FIP1L1: variants seen among roughly 807,000 people sequenced by gnomAD.
FIP1L1 encodes factor interacting with PAPOLA and CPSF1.
In FIP1L1, 21 loss-of-function variants were observed where a neutral mutation model predicts 84.6. The observed-to-expected ratio is 0.25, with a 90% confidence interval of 0.18 to 0.36. The LOEUF is 0.36. Ranked by LOEUF, FIP1L1 falls within the 10% of genes least tolerant of loss-of-function variation. FIP1L1 has a pLI of 1.00. For synonymous variants in FIP1L1, 263 were observed against 242.3 expected, an observed-to-expected ratio of 1.09 and a Z score of -0.80; for missense variants, 526 against 751.1, an observed-to-expected ratio of 0.70 and a Z score of 3.50.
At chr4:53,394,788 G>T in intron 9 of FIP1L1, among the ~76,000 whole-genome samples, 1 of 151,398 alleles carries the variant, frequency 6.6e-6, no homozygotes, top group Admixed American at 6.6e-5. Context: ...GTTTTCATAA[G>T]TTCTTAAATT....
chr4:53,409,965 T>A (rs776888961), intron 10 of FIP1L1, among the ~76,000 whole-genome samples: 1 of 152,264 alleles, frequency 6.6e-6, no homozygotes, highest in Non-Finnish European at 1.5e-5. Flanking sequence ...TGCCTTGCCC[T>A]GCTTTGGCTC....
intron 10 of FIP1L1, among the ~76,000 whole-genome samples, chr4:53,404,047 A>C (rs1422218850): frequency 6.6e-6 from 1 of 151,328 alleles, no homozygotes; most frequent in African/African-American, 2.4e-5. Flanking sequence ...TTTAGGGTAC[A>C]TGTGCACAAT....
At chr4:53,407,268 C>T (rs1275357530) in intron 10 of FIP1L1, among the ~76,000 whole-genome samples, 1 of 152,122 alleles carries the variant, frequency 6.6e-6, no homozygotes, top group Non-Finnish European at 1.5e-5. Flanking sequence ...TCATTATTTA[C>T]CCAGTAGTCA....
At chr4:53,431,417 CTT>C (rs1241160395) in intron 13 of FIP1L1, among the ~76,000 whole-genome samples, 1 of 152,064 alleles carries the variant, frequency 6.6e-6, no homozygotes, top group Non-Finnish European at 1.5e-5. Flanking sequence ...GATAAACTGT[CTT>C]GTTTTTTGCT....
chr4:53,455,153 G>T (rs1465356227), intron 16 of FIP1L1, among the ~76,000 whole-genome samples: 4 of 152,162 alleles, frequency 2.6e-5, no homozygotes, highest in African/African-American at 9.6e-5. Flanking sequence ...GGAATGTTGT[G>T]TGGCTGGTTT....
chr4:53,390,024 C>T lies in FIP1L1; in HGVS notation c.397+151C>T, dbSNP rs116199665. ...CGCAATCTTAGTTCACTGCAACCTCCGTCTCCTGGGCTCAAACCATCCTCC... is the reference window on the plus strand; with the variant it reads ...CGCAATCTTAGTTCACTGCAACCTCTGTCTCCTGGGCTCAAACCATCCTCC... On this transcript the variant is annotated intron_variant, in intron 6 of 17. Transcript: ENST00000337488. The T allele has an allele frequency of 2.4e-3, 1,407 of 578,004 alleles. 18 individuals carry two copies. In the African/African-American group the frequency reaches 0.025, roughly 10 times the overall value. The allele number at this position is 578,004 out of a possible 1,614,324, so 35.8% of individuals were successfully genotyped here.
At chr4:53,420,273 TA>T (rs1216514768) in intron 11 of FIP1L1, among the ~76,000 whole-genome samples, 4 of 106,716 alleles carry the variant, frequency 3.7e-5, no homozygotes, top group Admixed American at 9.6e-5. Flanking sequence ...AAAAAAAAAT[TA>T]AAAAAAAAAT....
At chr4:53,458,463 T>C (rs1307800267) in intron 16 of FIP1L1, 190 bp from the exon 17 acceptor site, 2 of 458,190 alleles carry the variant, frequency 4.4e-6, no homozygotes, top group Non-Finnish European at 7.7e-6. Flanking sequence ...TATTCTTAGC[T>C]CTAGTGCTAT....
At chr4:53,406,183 A>G (rs1039631760) in intron 10 of FIP1L1, among the ~76,000 whole-genome samples, 2 of 151,908 alleles carry the variant, frequency 1.3e-5, no homozygotes, top group African/African-American at 4.8e-5. Flanking sequence ...GATACGTCCT[A>G]TTTACATACC....
At chr4:53,427,904 A>C in intron 12 of FIP1L1, 123 bp from the exon 13 acceptor site, 1 of 815,980 alleles carries the variant, frequency 1.2e-6, no homozygotes, top group East Asian at 2.7e-5. Flanking sequence ...TCCCCCCAAA[A>C]ATACATATAT....
At position 53,399,872 on chromosome 4, in the gene FIP1L1, C is replaced by T. The variant is rs374455355; in HGVS notation, c.815+33C>T. 6.1e-5 allele frequency: 82 copies of T among 1,337,076 alleles called. 1 individual carries two copies. The South Asian group carries it at 7.3e-4, about 12-fold the overall frequency. 82.8% of individuals were successfully genotyped at this position (1,337,076 alleles called of 1,614,324 possible). A position where few individuals can be genotyped will look rare whatever the true frequency, so the allele number is the denominator to read the frequency against. ...ACATAGTTATAACTCAATTACTGTA[C>T]GACATTGGTATCTTTACATTGTATT... On this transcript the variant is annotated intron_variant, in intron 10 of 17. Transcript: ENST00000337488.
At chr4:53,386,278 CATT>C (rs1198435680) in intron 5 of FIP1L1, among the ~76,000 whole-genome samples, 1 of 151,998 alleles carries the variant, frequency 6.6e-6, no homozygotes. Flanking sequence ...GTGATCATTC[CATT>C]ATTATTATTG....
chr4:53,409,789 C>T (rs1034500009), intron 10 of FIP1L1, among the ~76,000 whole-genome samples: 8 of 152,244 alleles, frequency 5.3e-5, no homozygotes, highest in Non-Finnish European at 7.3e-5. Flanking sequence ...TAGGACCCTC[C>T]GACCCAGGTG....
intron 11 of FIP1L1, among the ~76,000 whole-genome samples, chr4:53,420,211 A>AG (rs1560540681): frequency 1.4e-5 from 2 of 146,874 alleles, no homozygotes; most frequent in Non-Finnish European, 3.0e-5. Flanking sequence ...AAAAAAAAAA[A>AG]AAAAAAAAAA....
intron 5 of FIP1L1, among the ~76,000 whole-genome samples, chr4:53,388,614 C>T (rs914829496): frequency 3.9e-5 from 6 of 152,302 alleles, no homozygotes; most frequent in South Asian, 2.1e-4. Context: ...GGATTACAGG[C>T]GTGAGCCGCC....
intron 3 of FIP1L1, among the ~76,000 whole-genome samples, chr4:53,381,190 A>C (rs1418776414): frequency 6.6e-6 from 1 of 152,208 alleles, no homozygotes; most frequent in Non-Finnish European, 1.5e-5. Flanking sequence ...TGGTGATAGA[A>C]AATTAAAACT....
At chr4:53,384,025 A>C in intron 5 of FIP1L1, 149 bp downstream of exon 5, 1 of 718,556 alleles carries the variant, frequency 1.4e-6, no homozygotes, top group Non-Finnish European at 2.2e-6. Flanking sequence ...TCATGAATAT[A>C]CTTCTTTGCT....
At chr4:53,451,809 A>G (rs1716162203) in intron 15 of FIP1L1, among the ~76,000 whole-genome samples, 1 of 150,752 alleles carries the variant, frequency 6.6e-6, no homozygotes. Flanking sequence ...ATTACCATTT[A>G]TTTGTTCAAC....
chr4:53,444,664 G>C (rs1773434955), intron 15 of FIP1L1, among the ~76,000 whole-genome samples: 1 of 151,842 alleles, frequency 6.6e-6, no homozygotes, highest in Non-Finnish European at 1.5e-5. Context: ...GTGCGATCAT[G>C]GCTCACTGTA....
Sources: gnomAD v4.1 joint callset for allele counts (sites outside exome capture counted in the v4.1 genomes callset) on GRCh38, gnomAD v4.1.1 for gene constraint, MANE v1.5 for transcripts, NCBI Gene and HGNC (gene_info 2026-07-23, HGNC 2026-07-21) for gene names.